SOX5: variants seen among roughly 807,000 people sequenced by gnomAD.
SOX5 encodes transcription factor SOX-5.
Under a neutral mutation model 92.0 loss-of-function variants are expected in SOX5, and 9 were observed. The observed-to-expected ratio is 0.10, with a 90% confidence interval of 0.06 to 0.17. SOX5 has a LOEUF of 0.17. Among genes scored for constraint, SOX5 ranks in the 10% least tolerant of loss-of-function variants. SOX5 has a pLI of 1.00. For synonymous variants in SOX5, 344 were observed against 336.3 expected, an observed-to-expected ratio of 1.02 and a Z score of -0.25; for missense variants, 642 against 944.5, an observed-to-expected ratio of 0.68 and a Z score of 4.20.
chr12:24,121,140 T>C (rs777760420), intron 4 of SOX5, among the ~76,000 whole-genome samples: 4 of 152,190 alleles, frequency 2.6e-5, no homozygotes, highest in Non-Finnish European at 5.9e-5. Context: ...CATTCTACGT[T>C]GTAACATTAT....
chr12:24,108,236 T>G, intron 4 of SOX5, among the ~76,000 whole-genome samples: 1 of 152,328 alleles, frequency 6.6e-6, no homozygotes, highest in Middle Eastern at 3.4e-3. Context: ...CTTTGTTCCA[T>G]TTTTATTCTG....
At chr12:24,055,939 C>G (rs553061108) in intron 4 of SOX5, among the ~76,000 whole-genome samples, 1 of 152,272 alleles carries the variant, frequency 6.6e-6, no homozygotes, top group African/African-American at 2.4e-5. Context: ...ACAGCTCAGA[C>G]TGGCCTCTGG....
chr12:24,081,419 T>G (rs946895697), intron 4 of SOX5, among the ~76,000 whole-genome samples: 2 of 152,026 alleles, frequency 1.3e-5, no homozygotes, highest in Non-Finnish European at 2.9e-5. Flanking sequence ...TGTCAACTTC[T>G]TGAAAGACTT....
intron 2 of SOX5, among the ~76,000 whole-genome samples, chr12:24,311,840 C>T (rs1446788870): frequency 6.6e-6 from 1 of 152,084 alleles, no homozygotes; most frequent in Non-Finnish European, 1.5e-5. Flanking sequence ...AAGCATAAAG[C>T]TGTGATTAGA....
chr12:24,535,796 A>C (rs2138716773), intron 1 of SOX5, among the ~76,000 whole-genome samples: 2 of 152,326 alleles, frequency 1.3e-5, no homozygotes, highest in South Asian at 4.1e-4. Context: ...AGTTCCTGAT[A>C]GAACCATTCC....
At chr12:23,991,305 G>GA (rs1273830561) in intron 4 of SOX5, among the ~76,000 whole-genome samples, 1 of 150,784 alleles carries the variant, frequency 6.6e-6, no homozygotes, top group African/African-American at 2.4e-5. Flanking sequence ...AAGGCTGCAA[G>GA]ACCTTGTCTC....
chr12:24,189,412 G>A (rs1956311691), intron 4 of SOX5, among the ~76,000 whole-genome samples: 1 of 152,150 alleles, frequency 6.6e-6, no homozygotes. Context: ...TGGTTTTCCT[G>A]GGGTACTGTT....
At chr12:24,121,436 G>A (rs1222724679) in intron 4 of SOX5, among the ~76,000 whole-genome samples, 1 of 152,080 alleles carries the variant, frequency 6.6e-6, no homozygotes, top group Non-Finnish European at 1.5e-5. Context: ...AATGAATTTT[G>A]CTGAAACCGA....
At chr12:24,335,277 C>A (rs1290276023) in intron 2 of SOX5, among the ~76,000 whole-genome samples, 1 of 147,050 alleles carries the variant, frequency 6.8e-6, no homozygotes, top group Non-Finnish European at 1.5e-5. Context: ...CCCAAAAAAA[C>A]AGCTCTTGCT....
chr12:23,704,264 A>G (rs1355240196), intron 6 of SOX5, among the ~76,000 whole-genome samples: 1 of 151,836 alleles, frequency 6.6e-6, no homozygotes, highest in African/African-American at 2.4e-5. Flanking sequence ...TTCTTTAATA[A>G]TCATCTTTCT....
intron 8 of SOX5, among the ~76,000 whole-genome samples, chr12:23,610,597 A>C (rs952323677): frequency 1.3e-5 from 2 of 152,190 alleles, no homozygotes; most frequent in Admixed American, 1.3e-4. Flanking sequence ...CATAATAGTG[A>C]CTATACATAA....
intron 4 of SOX5, among the ~76,000 whole-genome samples, chr12:24,126,430 C>T (rs546036576): frequency 2.8e-4 from 43 of 152,172 alleles, no homozygotes; most frequent in Non-Finnish European, 5.3e-4. Flanking sequence ...AAAGCGAAAA[C>T]CAGGATAGCA....
At chr12:24,268,068 T>A (rs953885668) in intron 3 of SOX5, among the ~76,000 whole-genome samples, 2 of 152,182 alleles carry the variant, frequency 1.3e-5, no homozygotes, top group Non-Finnish European at 2.9e-5. Flanking sequence ...ATCAGGAAAA[T>A]GAAGCATTTC....
chr12:24,118,034 AAAAAG>A (rs1565472057), intron 4 of SOX5, among the ~76,000 whole-genome samples: 2 of 149,360 alleles, frequency 1.3e-5, no homozygotes, highest in Non-Finnish European at 3.0e-5. Context: ...AAAAAAAAAA[AAAAAG>A]AAAAAAAAAA....
intron 4 of SOX5, among the ~76,000 whole-genome samples, chr12:24,067,719 C>CATT (rs1458270377): frequency 2.6e-4 from 40 of 152,082 alleles, no homozygotes; most frequent in Non-Finnish European, 4.7e-4. Context: ...TCTTTGATAG[C>CATT]TCTCAATACT....
intron 3 of SOX5, among the ~76,000 whole-genome samples, chr12:23,812,642 T>C (rs1206767449): frequency 1.3e-5 from 2 of 152,142 alleles, no homozygotes; most frequent in Non-Finnish European, 2.9e-5. Flanking sequence ...TTGTTTTGTT[T>C]CTTTCTTTGA....
chr12:24,321,811 A>T (rs1329100189), intron 2 of SOX5, among the ~76,000 whole-genome samples: 1 of 152,246 alleles, frequency 6.6e-6, no homozygotes, highest in East Asian at 1.9e-4. Context: ...TAGTATTAAA[A>T]CAGAAATTAA....
At chr12:24,335,698 A>G (rs1565930175) in intron 2 of SOX5, among the ~76,000 whole-genome samples, 1 of 152,102 alleles carries the variant, frequency 6.6e-6, no homozygotes, top group African/African-American at 2.4e-5. Context: ...TTTTTAGGGA[A>G]GACAGTGCTG....
At chr12:24,182,580 T>G (rs1029410251) in intron 4 of SOX5, among the ~76,000 whole-genome samples, 3 of 151,982 alleles carry the variant, frequency 2.0e-5, no homozygotes, top group African/African-American at 7.2e-5. Flanking sequence ...TTTTTTTTTT[T>G]CCTTCTCACC....
Sources: allele counts gnomAD v4.1 joint callset (sites outside exome capture counted in the v4.1 genomes callset), GRCh38; gene constraint gnomAD v4.1.1; transcripts MANE v1.5; gene names NCBI Gene and HGNC (gene_info 2026-07-23, HGNC 2026-07-21).